Variants in CLMN observed in about 807,000 individuals in gnomAD.
CLMN encodes the protein calmin (calponin-like, transmembrane).
CLMN carries 57 observed loss-of-function variants against 92.7 expected under a neutral mutation model. The observed-to-expected ratio is 0.61, with a 90% CI of 0.50 to 0.77. The LOEUF is 0.77. CLMN is among the 30% of genes least tolerant of loss of function. The pLI, the probability that CLMN is intolerant of heterozygous loss-of-function variation, is 0.00. For synonymous variants in CLMN, 466 were observed against 470.6 expected, an observed-to-expected ratio of 0.99 and a Z score of 0.13; for missense variants, 1,158 against 1,237.5, an observed-to-expected ratio of 0.94 and a Z score of 0.96.
intron 1 of CLMN, among the ~76,000 whole-genome samples, chr14:95,271,558 T>C (rs1238918464): frequency 6.6e-6 from 1 of 152,208 alleles, no homozygotes; most frequent in Non-Finnish European, 1.5e-5. Context: ...ACTAAAATTA[T>C]CATGCAGATC....
At chr14:95,197,738 T>G (rs752213868) in intron 9 of CLMN, among the ~76,000 whole-genome samples, 4 of 152,296 alleles carry the variant, frequency 2.6e-5, no homozygotes, top group Middle Eastern at 3.4e-3. Context: ...AGGAGCACGG[T>G]CATTGTTGGA....
In CLMN at chr14:95,294,524, G is replaced by A. The variant is rs1243853398; in HGVS notation, c.82+25187C>T. ...GGAGACAGACCTGCATCCACATTCC[G>A]GCTCCCCCTCCCTCACCTGTCCCTT... On this transcript the variant is annotated intron_variant, in intron 1 of 12. Coordinates refer to ENST00000298912, the MANE Select transcript of CLMN (RefSeq NM_024734.4). This position sits in a 1 kb window ranked among gnomAD's most constrained non-coding sequence, Gnocchi z 4.2. 1.3e-5 allele frequency among the ~76,000 whole-genome samples: 2 copies of A among 152,090 alleles called. No homozygotes were observed. The highest frequency in any genetic ancestry group is 2.9e-5 in the Non-Finnish European group (2 of 68,012).
chr14:95,194,372 A>G lies in CLMN; in HGVS notation c.2769+164T>C. On this transcript the variant is annotated intron_variant, in intron 11 of 12. Transcript: ENST00000298912. The surrounding 1 kb of genome is among the most constrained non-coding windows in gnomAD (Gnocchi z 4.0). ...TCTTATTGCCCAAACCGGATATCCG[A>G]TCGGACTGTGCTTAATGATAAGGTT... 6.9e-7 allele frequency: 1 copy of G among 1,459,590 alleles called. No homozygotes were observed. The highest frequency in any genetic ancestry group is 9.1e-7 in the Non-Finnish European group (1 of 1,104,794). 90.4% of individuals were successfully genotyped at this position (1,459,590 alleles called of 1,614,324 possible).
intron 2 of CLMN, among the ~76,000 whole-genome samples, chr14:95,226,319 C>T (rs1448768956): frequency 6.6e-6 from 1 of 152,058 alleles, no homozygotes; most frequent in Non-Finnish European, 1.5e-5. Context: ...TATACTCTAT[C>T]GTTCAGGGAG....
In CLMN at chr14:95,203,379, A is replaced by G; in HGVS notation, c.1970T>C (p.Val657Ala). Reference sequence around the variant, plus strand: ...GGACTTTCTCTTGGCCTTTTCATGCACCTCTGGCTTTTTATCCACTGGTGT... The same window carrying G: ...GGACTTTCTCTTGGCCTTTTCATGCGCCTCTGGCTTTTTATCCACTGGTGT... ...EETPVDKKPE[V>A]HEKAKRKSTR... is the part of the protein sequence containing the mutation. Residue 657 changes from valine to alanine, a missense_variant, in exon 9 of 13, where the codon GTG becomes GCG. Coordinates refer to ENST00000298912, the MANE Select transcript of CLMN (RefSeq NM_024734.4). 3 of 1,613,816 alleles carry G rather than the reference A, an allele frequency of 1.9e-6. No individual in the cohort carries two copies. The highest frequency in any genetic ancestry group is 2.5e-6 in the Non-Finnish European group (3 of 1,179,964).
chr14:95,229,387 T>C (rs1038292637), intron 2 of CLMN, among the ~76,000 whole-genome samples: 8 of 151,864 alleles, frequency 5.3e-5, no homozygotes, highest in African/African-American at 1.7e-4. Flanking sequence ...GCAAACAAAA[T>C]GCAACTCAAA....
At chr14:95,231,324 G>A (rs1897882251) in intron 1 of CLMN, among the ~76,000 whole-genome samples, 1 of 151,622 alleles carries the variant, frequency 6.6e-6, no homozygotes, top group Non-Finnish European at 1.5e-5. Context: ...AGCCTCCAGA[G>A]TAGCTGGGAC....
In CLMN at chr14:95,182,802, A is replaced by G. The variant is rs1896358651; in HGVS notation, c.*8762T>C. ...TGAATTTAAAAGAAATTCCCTTAGG[A>G]AACTGCCTCAGATGCTGACGTAATT... On this transcript the variant is annotated 3_prime_UTR_variant, in exon 13 of 13. Coordinates refer to ENST00000298912, the MANE Select transcript of CLMN (RefSeq NM_024734.4). 6.6e-6 allele frequency: 1 copy of G among 151,642 alleles called. No homozygotes were observed. The highest frequency in any genetic ancestry group is 2.1e-4 in the South Asian group (1 of 4,826). 9.4% of individuals were successfully genotyped at this position (151,642 alleles called of 1,614,324 possible). A position where few individuals can be genotyped will look rare whatever the true frequency, so the allele number is the denominator to read the frequency against.
At chr14:95,200,569 G>A (rs1896849454) in intron 9 of CLMN, among the ~76,000 whole-genome samples, 1 of 152,150 alleles carries the variant, frequency 6.6e-6, no homozygotes, top group Non-Finnish European at 1.5e-5. Context: ...CAGTGCCGTA[G>A]CAGGACGCAG....
Position 95,311,856 on chromosome 14 carries a change from G to A in CLMN, c.82+7855C>T, listed in dbSNP as rs1050498008. On this transcript the variant is annotated intron_variant, in intron 1 of 12. Coordinates refer to ENST00000298912, the MANE Select transcript of CLMN (RefSeq NM_024734.4). ...TTCCAGGGATACAGAACATAGAGGCGACCACTGTGACATGACATCACCACA... is the reference window on the plus strand; with the variant it reads ...TTCCAGGGATACAGAACATAGAGGCAACCACTGTGACATGACATCACCACA... 2.6e-5 allele frequency among the ~76,000 whole-genome samples: 4 copies of A among 151,838 alleles called. No individual in the cohort carries two copies. The South Asian group carries it at 6.3e-4, about 24-fold the overall frequency.
At chr14:95,198,330 G>A (rs1157593886) in intron 9 of CLMN, among the ~76,000 whole-genome samples, 6 of 151,336 alleles carry the variant, frequency 4.0e-5, no homozygotes, top group East Asian at 1.9e-4. Context: ...GATTACAGGC[G>A]TGAGCCACTG....
intron 12 of CLMN, chr14:95,193,115 C>T: frequency 1.9e-6 from 1 of 531,334 alleles, no homozygotes; most frequent in South Asian, 2.6e-5. Context: ...CCTTCCAAGC[C>T]AATTCAAATC....
chr14:95,201,584 T>C, intron 9 of CLMN, among the ~76,000 whole-genome samples: 1 of 151,764 alleles, frequency 6.6e-6, no homozygotes, highest in African/African-American at 2.4e-5. Context: ...TTTTTTTTAT[T>C]TTACTTTAAG....
chr14:95,290,511 T>C (rs527550377), intron 1 of CLMN, among the ~76,000 whole-genome samples: 1 of 151,562 alleles, frequency 6.6e-6, no homozygotes, highest in Non-Finnish European at 1.5e-5. Flanking sequence ...TCAGAGAGAG[T>C]TGAGACGCTG....
chr14:95,235,570 G>A (rs1288476056), intron 1 of CLMN, among the ~76,000 whole-genome samples: 1 of 152,044 alleles, frequency 6.6e-6, no homozygotes, highest in East Asian at 1.9e-4. Flanking sequence ...CGTGGGCACT[G>A]GGCCAAAAAA....
chr14:95,248,162 A>C (rs1357568456), intron 1 of CLMN, among the ~76,000 whole-genome samples: 2 of 152,106 alleles, frequency 1.3e-5, no homozygotes, highest in Admixed American at 6.5e-5. Context: ...AGAGAGGCTT[A>C]AGAGACACAC....
At chr14:95,215,857 G>GTGTT in intron 4 of CLMN, 124 bp from the exon 5 acceptor site, 1 of 622,742 alleles carries the variant, frequency 1.6e-6, no homozygotes, top group Non-Finnish European at 2.8e-6. Flanking sequence ...GTGTGTGTGT[G>GTGTT]TGTTTGCATG....
chr14:95,228,342 G>A (rs959376122), intron 2 of CLMN, among the ~76,000 whole-genome samples: 5 of 152,086 alleles, frequency 3.3e-5, no homozygotes, highest in Non-Finnish European at 5.9e-5. Flanking sequence ...GAGCATTGCC[G>A]AAAATGTGCC....
chr14:95,271,661 T>G (rs1290830294), intron 1 of CLMN, among the ~76,000 whole-genome samples: 1 of 152,220 alleles, frequency 6.6e-6, no homozygotes, highest in Non-Finnish European at 1.5e-5. Flanking sequence ...TTCCCTGAGT[T>G]GAGGCACGAT....
Sources: allele counts gnomAD v4.1 joint callset (sites outside exome capture counted in the v4.1 genomes callset), GRCh38; gene constraint gnomAD v4.1.1; non-coding constraint Gnocchi (gnomAD v3.1); transcripts MANE v1.5; gene names NCBI Gene and HGNC (gene_info 2026-07-23, HGNC 2026-07-21).